PRKAR2A: variants seen among roughly 807,000 people sequenced by gnomAD.
The protein encoded by PRKAR2A is cAMP-dependent protein kinase type II-alpha regulatory subunit.
In PRKAR2A, 29 loss-of-function variants were observed where a neutral mutation model predicts 51.9. The observed-to-expected ratio is 0.56, with a 90% confidence interval of 0.42 to 0.76. The LOEUF (loss-of-function observed/expected upper bound fraction) is 0.76. Among genes scored for constraint, PRKAR2A ranks in the 30% least tolerant of loss-of-function variants. The pLI is 0.00. For synonymous variants in PRKAR2A, 178 were observed against 186.2 expected, an observed-to-expected ratio of 0.96 and a Z score of 0.36; for missense variants, 445 against 512.1, an observed-to-expected ratio of 0.87 and a Z score of 1.26.
chr3:48,758,395 A>T (rs187301376), intron 8 of PRKAR2A, among the ~76,000 whole-genome samples: 5 of 151,752 alleles, frequency 3.3e-5, no homozygotes, highest in Admixed American at 6.6e-5. Flanking sequence ...CTTGGGCAAC[A>T]TGGCGGCGAA....
At chr3:48,803,774 G>A (rs1261723126) in intron 2 of PRKAR2A, among the ~76,000 whole-genome samples, 2 of 152,112 alleles carry the variant, frequency 1.3e-5, no homozygotes, top group East Asian at 1.9e-4. Flanking sequence ...CTGGGAGGCC[G>A]AGGCAGGCAG....
intron 1 of PRKAR2A, among the ~76,000 whole-genome samples, chr3:48,828,593 G>C (rs1036063370): frequency 6.6e-6 from 1 of 151,338 alleles, no homozygotes; most frequent in Admixed American, 6.6e-5. Flanking sequence ...GTGGTGGCCA[G>C]CGCCTCTGGT....
intron 5 of PRKAR2A, among the ~76,000 whole-genome samples, chr3:48,779,672 C>T (rs932919137): frequency 9.9e-5 from 15 of 151,022 alleles, no homozygotes; most frequent in Non-Finnish European, 1.3e-4. Flanking sequence ...CCCAGCTACT[C>T]AGGAGGCTAT....
chr3:48,776,134 G>A (rs573698433), intron 5 of PRKAR2A, among the ~76,000 whole-genome samples: 8 of 151,534 alleles, frequency 5.3e-5, no homozygotes, highest in African/African-American at 1.5e-4. Context: ...ACAAACAAAC[G>A]ATACAATTAT....
At chr3:48,753,355 G>T (rs191921828) in intron 9 of PRKAR2A, among the ~76,000 whole-genome samples, 7 of 151,534 alleles carry the variant, frequency 4.6e-5, no homozygotes, top group African/African-American at 9.7e-5. Context: ...TAATTGTTTA[G>T]AATTTATTAG....
intron 1 of PRKAR2A, among the ~76,000 whole-genome samples, chr3:48,832,032 G>A (rs1215164370): frequency 6.6e-6 from 1 of 152,096 alleles, no homozygotes; most frequent in Non-Finnish European, 1.5e-5. Context: ...GGCGGCTCAC[G>A]CCTGTAATTC....
At chr3:48,762,791 T>C (rs1482566277) in intron 8 of PRKAR2A, among the ~76,000 whole-genome samples, 1 of 151,930 alleles carries the variant, frequency 6.6e-6, no homozygotes. Context: ...ATTTGTACAA[T>C]GAAATATTAT....
At chr3:48,843,333 A>AT (rs1221458451) in intron 1 of PRKAR2A, among the ~76,000 whole-genome samples, 1 of 151,818 alleles carries the variant, frequency 6.6e-6, no homozygotes, top group African/African-American at 2.4e-5. Context: ...TGGTCTATCA[A>AT]TTTTGTTGAT....
intron 1 of PRKAR2A, among the ~76,000 whole-genome samples, chr3:48,838,240 A>T (rs866259459): frequency 1.3e-5 from 2 of 152,136 alleles, no homozygotes; most frequent in Admixed American, 6.6e-5. Context: ...AGGATAGGCA[A>T]ATGGTAGAGA....
At chr3:48,780,299 T>G (rs2082173278) in intron 5 of PRKAR2A, among the ~76,000 whole-genome samples, 1 of 151,716 alleles carries the variant, frequency 6.6e-6, no homozygotes, top group Admixed American at 6.6e-5. Flanking sequence ...AATCAGCATT[T>G]AGAGTAAAGA....
intron 8 of PRKAR2A, among the ~76,000 whole-genome samples, chr3:48,760,716 TC>T (rs894516630): frequency 1.3e-5 from 2 of 148,386 alleles, no homozygotes; most frequent in African/African-American, 5.0e-5. Context: ...ATGCCTGTAA[TC>T]CCAGCTACTC....
At chr3:48,782,663 C>T (rs1230429199) in intron 5 of PRKAR2A, among the ~76,000 whole-genome samples, 1 of 152,218 alleles carries the variant, frequency 6.6e-6, no homozygotes, top group East Asian at 1.9e-4. Flanking sequence ...ACCATACTGG[C>T]CAGGCTGGTC....
intron 5 of PRKAR2A, 61 bp downstream of exon 5, chr3:48,782,925 C>A: frequency 1.7e-6 from 2 of 1,203,818 alleles, no homozygotes; most frequent in Non-Finnish European, 2.5e-6. Flanking sequence ...GATAAAGCAT[C>A]TGCCCTGAGT....
At chr3:48,768,964 T>C (rs1175216954) in intron 6 of PRKAR2A, among the ~76,000 whole-genome samples, 1 of 148,254 alleles carries the variant, frequency 6.7e-6, no homozygotes, top group Admixed American at 6.8e-5. Context: ...GCCAGTACTG[T>C]TGGCACATGC....
chr3:48,836,057 C>CA lies in PRKAR2A; in HGVS notation c.262+11277dup, dbSNP rs1168981028. Reference sequence around the variant, plus strand: ...TCAATTTTCAACAAGAGTACCAAGACAATTAAGTGAGAAAAGAATAGTCTC... The same window carrying CA: ...TCAATTTTCAACAAGAGTACCAAGACAAATTAAGTGAGAAAAGAATAGTCTC... On this transcript the variant is annotated intron_variant, in intron 1 of 10. Transcript: ENST00000265563. 2.0e-5 allele frequency among the ~76,000 whole-genome samples: 3 copies of CA among 151,950 alleles called. No homozygotes were observed. In the East Asian group the frequency reaches 5.8e-4, roughly 29 times the overall value.
chr3:48,793,026 A>C (rs150525173), intron 3 of PRKAR2A, among the ~76,000 whole-genome samples: 2 of 151,696 alleles, frequency 1.3e-5, no homozygotes, highest in Non-Finnish European at 2.9e-5. Flanking sequence ...AAAATCAAAC[A>C]TGGTCTTGCC....
intron 8 of PRKAR2A, 85 bp downstream of exon 8, chr3:48,764,919 C>T (rs1428637448): frequency 2.7e-5 from 34 of 1,268,668 alleles, no homozygotes; most frequent in Non-Finnish European, 3.7e-5. Flanking sequence ...GCCACTGCGT[C>T]CGGCAAGAAG....
intron 1 of PRKAR2A, among the ~76,000 whole-genome samples, chr3:48,828,779 A>AT (rs986304009): frequency 1.2e-4 from 16 of 136,404 alleles, no homozygotes; most frequent in South Asian, 2.4e-4. Context: ...CCTTTTTTTT[A>AT]TTTTTTTACC....
At chr3:48,841,515 G>A (rs2083381594) in intron 1 of PRKAR2A, among the ~76,000 whole-genome samples, 1 of 123,446 alleles carries the variant, frequency 8.1e-6, no homozygotes, top group East Asian at 2.5e-4. Context: ...CTACACTCCA[G>A]CCTGGGTGAC....
Sources: gnomAD v4.1 joint callset for allele counts (sites outside exome capture counted in the v4.1 genomes callset) on GRCh38, gnomAD v4.1.1 for gene constraint, MANE v1.5 for transcripts, NCBI Gene and HGNC (gene_info 2026-07-23, HGNC 2026-07-21) for gene names.